The following SCHIP1 variants were observed in gnomAD, a reference collection of about 807,000 sequenced individuals.
SCHIP1 encodes the protein schwannomin-interacting protein 1.
SCHIP1 carries 8 observed loss-of-function variants against 29.7 expected under a neutral mutation model. That is an observed-to-expected ratio of 0.27 (90% CI 0.16 to 0.49). The LOEUF is 0.49. Ranked by LOEUF, SCHIP1 falls within the 20% of genes least tolerant of loss-of-function variation. SCHIP1 has a pLI of 0.99. For missense variants in SCHIP1, 193 were observed against 294.6 expected (o/e 0.66, Z 2.52); for synonymous variants, 76 against 94.9 (o/e 0.80, Z 1.16).
chr3:159,428,438 T>C, the SCHIP1 span, among the ~76,000 whole-genome samples: 1 of 152,116 alleles, frequency 6.6e-6, no homozygotes, highest in Admixed American at 6.5e-5. Context: ...AAAAAAGACA[T>C]GCAAAAATGC....
At chr3:159,390,102 G>T in the SCHIP1 span, among the ~76,000 whole-genome samples, 1 of 151,784 alleles carries the variant, frequency 6.6e-6, no homozygotes, top group East Asian at 1.9e-4. Flanking sequence ...CTTTGAACTT[G>T]TTATTTAACC....
the SCHIP1 span, among the ~76,000 whole-genome samples, chr3:159,751,787 C>T: frequency 2.6e-5 from 4 of 152,138 alleles, no homozygotes; most frequent in Non-Finnish European, 5.9e-5. Context: ...ACCTCATGAT[C>T]TGCCTGCCTT....
chr3:159,782,045 C>T, the SCHIP1 span, among the ~76,000 whole-genome samples: 1 of 152,190 alleles, frequency 6.6e-6, no homozygotes, highest in Non-Finnish European at 1.5e-5. Flanking sequence ...GCCCTTGCCA[C>T]CAGGTGGCAA....
At chr3:159,441,107 G>C in the SCHIP1 span, among the ~76,000 whole-genome samples, 1 of 152,116 alleles carries the variant, frequency 6.6e-6, no homozygotes. Context: ...GCTAGACTCT[G>C]ACCAAAAGAG....
chr3:159,750,296 T>TATATATATATATACAC, the SCHIP1 span, among the ~76,000 whole-genome samples: 27 of 132,756 alleles, frequency 2.0e-4, no homozygotes, highest in African/African-American at 6.8e-4. Flanking sequence ...TATATATATA[T>TATATATATATATACAC]ACACACACAC....
chr3:159,888,042 A>T, intron 4 of SCHIP1, 137 bp downstream of exon 5: 1 of 1,202,134 alleles, frequency 8.3e-7, no homozygotes. Flanking sequence ...TTGAGAAATG[A>T]TTAAGTTTGT....
chr3:159,566,089 C>G, the SCHIP1 span, among the ~76,000 whole-genome samples: 2 of 152,110 alleles, frequency 1.3e-5, no homozygotes, highest in African/African-American at 4.8e-5. Flanking sequence ...AGCTGATTTT[C>G]CATTCTAACA....
At chr3:159,519,868 A>T in the SCHIP1 span, among the ~76,000 whole-genome samples, 15 of 149,464 alleles carry the variant, frequency 1.0e-4, no homozygotes, top group South Asian at 2.2e-4. Flanking sequence ...GAAGAAAAAA[A>T]AAATATATAT....
the SCHIP1 span, among the ~76,000 whole-genome samples, chr3:159,654,123 G>T: frequency 6.6e-6 from 1 of 151,868 alleles, no homozygotes; most frequent in Non-Finnish European, 1.5e-5. Flanking sequence ...ATATTCACAT[G>T]CAAATCGCAT....
At chr3:159,738,729 A>G in the SCHIP1 span, among the ~76,000 whole-genome samples, 3 of 152,226 alleles carry the variant, frequency 2.0e-5, no homozygotes, top group Non-Finnish European at 2.9e-5. Context: ...GAGACAATAA[A>G]TGAGTAAACA....
the SCHIP1 span, among the ~76,000 whole-genome samples, chr3:159,597,543 C>G: frequency 5.3e-5 from 8 of 152,160 alleles, no homozygotes; most frequent in African/African-American, 1.9e-4. Context: ...CATTTTTGGA[C>G]CTGGCTTATT....
At chr3:159,767,314 C>A in the SCHIP1 span, among the ~76,000 whole-genome samples, 1 of 152,096 alleles carries the variant, frequency 6.6e-6, no homozygotes, top group African/African-American at 2.4e-5. Flanking sequence ...ATTTTTAAAA[C>A]TTTAGTTTTA....
the SCHIP1 span, among the ~76,000 whole-genome samples, chr3:159,408,791 G>A: frequency 1.3e-5 from 2 of 152,048 alleles, no homozygotes; most frequent in African/African-American, 2.4e-5. Context: ...ATTCAATAAA[G>A]TCAGTATTAT....
the SCHIP1 span, chr3:159,722,381 G>C: frequency 6.5e-6 from 1 of 153,384 alleles, no homozygotes; most frequent in East Asian, 1.9e-4. Flanking sequence ...CCAATAGAAA[G>C]TCTTCTCTTT....
chr3:159,687,326 CCTCT>C, the SCHIP1 span, among the ~76,000 whole-genome samples: 2 of 151,916 alleles, frequency 1.3e-5, no homozygotes, highest in Non-Finnish European at 2.9e-5. Flanking sequence ...TTCTCCTCTC[CCTCT>C]CTGTCAAGCT....
intron 2 of SCHIP1, among the ~76,000 whole-genome samples, chr3:159,873,173 T>C (rs2109316659): frequency 6.6e-6 from 1 of 152,340 alleles, no homozygotes; most frequent in East Asian, 1.9e-4. Context: ...AATTTACTAC[T>C]CTGAAGAGCT....
the SCHIP1 span, among the ~76,000 whole-genome samples, chr3:159,295,011 C>A: frequency 6.6e-6 from 1 of 152,002 alleles, no homozygotes; most frequent in South Asian, 2.1e-4. Context: ...ATCAACTGAC[C>A]CAAATTTAGA....
At chr3:159,284,775 G>GC in the SCHIP1 span, among the ~76,000 whole-genome samples, 1 of 152,064 alleles carries the variant, frequency 6.6e-6, no homozygotes, top group Non-Finnish European at 1.5e-5. Flanking sequence ...GGGATTACAG[G>GC]CTTGAGCCAC....
At chr3:159,313,578 A>C in the SCHIP1 span, among the ~76,000 whole-genome samples, 6,369 of 152,310 alleles carry the variant, frequency 0.042, 432 homozygotes, top group African/African-American at 0.15. Context: ...TAGTACAGAG[A>C]GTTTCTGTAT....
Sources: gnomAD v4.1 joint callset for allele counts (sites outside exome capture counted in the v4.1 genomes callset) on GRCh38, gnomAD v4.1.1 for gene constraint, MANE v1.5 for transcripts, NCBI Gene and HGNC (gene_info 2026-07-23, HGNC 2026-07-21) for gene names.